The following DPP10 variants were observed in gnomAD, a reference collection of about 807,000 sequenced individuals.
The protein encoded by DPP10 is dipeptidyl peptidase like 10.
DPP10 carries 33 observed loss-of-function variants against 120.9 expected under a neutral mutation model. The ratio of observed to expected loss-of-function variants is 0.27; its 90% CI spans 0.21 to 0.37. The LOEUF (loss-of-function observed/expected upper bound fraction) is 0.37, where lower values mean the gene tolerates loss of function less well. Among genes scored for constraint, DPP10 ranks in the 10% least tolerant of loss-of-function variants. The pLI is 1.00. For missense variants in DPP10, 816 were observed against 942.8 expected (o/e 0.87, Z 1.76); for synonymous variants, 337 against 326.1 (o/e 1.03, Z -0.36).
At chr2:115,676,305 T>G (rs2090254420) in intron 5 of DPP10, among the ~76,000 whole-genome samples, 1 of 152,162 alleles carries the variant, frequency 6.6e-6, no homozygotes, top group East Asian at 1.9e-4. Context: ...GAGACTATAT[T>G]ACTGTGCCCA....
intron 5 of DPP10, among the ~76,000 whole-genome samples, chr2:115,570,038 A>C (rs1289127904): frequency 1.3e-5 from 2 of 152,240 alleles, no homozygotes; most frequent in Non-Finnish European, 2.9e-5. Context: ...TGTGTGACAC[A>C]GAGATGAAGG....
At chr2:115,415,841 T>TTATATATA (rs70941057) in intron 3 of DPP10, among the ~76,000 whole-genome samples, 10,481 of 73,728 alleles carry the variant, frequency 0.14, 952 homozygotes, top group East Asian at 0.16. Context: ...TGATTTGCTT[T>TTATATATA]TATATATATA....
chr2:115,461,274 A>G (rs1251152700), intron 3 of DPP10, among the ~76,000 whole-genome samples: 1 of 151,958 alleles, frequency 6.6e-6, no homozygotes, highest in East Asian at 1.9e-4. Flanking sequence ...GAGATGTTCT[A>G]TGTTTTGATT....
chr2:115,791,496 C>T, intron 19 of DPP10, 140 bp downstream of exon 19: 1 of 735,066 alleles, frequency 1.4e-6, no homozygotes, highest in Non-Finnish European at 2.1e-6. Context: ...TGTCTAAATT[C>T]CTCTAGAAGT....
chr2:115,701,065 C>A (rs2091865812), intron 7 of DPP10, among the ~76,000 whole-genome samples: 1 of 151,964 alleles, frequency 6.6e-6, no homozygotes, highest in Admixed American at 6.6e-5. Context: ...CAAATAATGT[C>A]TTTTTTGCAG....
chr2:115,069,658 CAGTTT>C (rs1276714161), intron 1 of DPP10, among the ~76,000 whole-genome samples: 1 of 151,990 alleles, frequency 6.6e-6, no homozygotes, highest in Non-Finnish European at 1.5e-5. Context: ...AGCTTTTACT[CAGTTT>C]AGCATAGTGG....
At chr2:114,444,033 G>T (rs1677804897) in intron 1 of DPP10, among the ~76,000 whole-genome samples, 2 of 152,066 alleles carry the variant, frequency 1.3e-5, no homozygotes, top group South Asian at 2.1e-4. Context: ...GGTTTCCAGG[G>T]TATATTAAAT....
chr2:115,212,384 T>A (rs994336203), intron 1 of DPP10, among the ~76,000 whole-genome samples: 1 of 152,192 alleles, frequency 6.6e-6, no homozygotes, highest in South Asian at 2.1e-4. Context: ...GGGAACACAC[T>A]AGTCACTCAC....
At position 115,145,890 on chromosome 2, in the gene DPP10, C is replaced by T. The variant is rs115984786; in HGVS notation, c.61-163349C>T. 3.6e-3 allele frequency among the ~76,000 whole-genome samples: 546 copies of T among 152,148 alleles called. 2 individuals carry two copies. The highest frequency in any genetic ancestry group is 0.013 in the African/African-American group (529 of 41,534). ...CATTGTTGTTTTAATTCTCAATTCC[C>T]TAATGACATATACTATTGAGAATAC... On this transcript the variant is annotated intron_variant, in intron 1 of 25. Transcript: ENST00000410059.
At chr2:115,017,934 A>G (rs897435768) in intron 1 of DPP10, among the ~76,000 whole-genome samples, 12 of 152,160 alleles carry the variant, frequency 7.9e-5, no homozygotes, top group East Asian at 3.9e-4. Flanking sequence ...GCACACCAAC[A>G]TGGCACATGT....
At chr2:115,306,789 A>G (rs975702700) in intron 1 of DPP10, among the ~76,000 whole-genome samples, 4 of 152,112 alleles carry the variant, frequency 2.6e-5, no homozygotes, top group African/African-American at 9.7e-5. Flanking sequence ...TAAATGGTGG[A>G]CTTCCGTAGC....
chr2:115,610,598 G>T (rs2084031538), intron 5 of DPP10, among the ~76,000 whole-genome samples: 1 of 152,020 alleles, frequency 6.6e-6, no homozygotes, highest in African/African-American at 2.4e-5. Context: ...ACTTTTAAAA[G>T]AACTGTTTTA....
intron 1 of DPP10, among the ~76,000 whole-genome samples, chr2:115,031,010 AC>A (rs201483307): frequency 0.012 from 1,757 of 152,234 alleles, 17 homozygotes; most frequent in African/African-American, 0.031. Flanking sequence ...TTTATTGAAA[AC>A]CTTTTGACAT....
intron 1 of DPP10, among the ~76,000 whole-genome samples, chr2:115,033,871 C>CTTTCTT (rs1220746393): frequency 1.1e-4 from 15 of 130,770 alleles, no homozygotes; most frequent in South Asian, 2.6e-4. Context: ...TGTCCAATAT[C>CTTTCTT]TTTCTTTTTC....
intron 5 of DPP10, among the ~76,000 whole-genome samples, chr2:115,630,116 T>C (rs1444864908): frequency 1.3e-5 from 2 of 152,196 alleles, no homozygotes; most frequent in African/African-American, 2.4e-5. Flanking sequence ...GAAGAGGTCC[T>C]TCACCTCCCT....
intron 21 of DPP10, among the ~76,000 whole-genome samples, chr2:115,821,053 G>A (rs750738639): frequency 4.6e-5 from 7 of 152,168 alleles, no homozygotes; most frequent in South Asian, 4.1e-4. Flanking sequence ...ACTGTTTTCC[G>A]TAGTGGTTGT....
chr2:115,418,045 A>C (rs1412649384), intron 3 of DPP10, among the ~76,000 whole-genome samples: 1 of 152,216 alleles, frequency 6.6e-6, no homozygotes, highest in East Asian at 1.9e-4. Context: ...TTTATGTAAG[A>C]AATCAACTTC....
intron 11 of DPP10, among the ~76,000 whole-genome samples, chr2:115,758,101 A>G (rs115605936): frequency 0.013 from 1,994 of 152,240 alleles, 23 homozygotes; most frequent in South Asian, 0.028. Flanking sequence ...TTTATAGATA[A>G]CATAACTGTA....
intron 1 of DPP10, among the ~76,000 whole-genome samples, chr2:114,643,826 A>G (rs918946893): frequency 8.0e-5 from 12 of 150,940 alleles, no homozygotes; most frequent in Non-Finnish European, 1.2e-4. Context: ...GTTTACAAGA[A>G]CCAAAGCTAG....
Sources: allele counts gnomAD v4.1 joint callset (sites outside exome capture counted in the v4.1 genomes callset), GRCh38; gene constraint gnomAD v4.1.1; transcripts MANE v1.5; gene names NCBI Gene and HGNC (gene_info 2026-07-23, HGNC 2026-07-21).